Variants in LATS2 observed in about 807,000 individuals in gnomAD.
LATS2 encodes serine/threonine-protein kinase LATS2.
A neutral mutation model predicts 76.0 loss-of-function variants in LATS2; 24 were observed. That is an observed-to-expected ratio of 0.32 (90% CI 0.23 to 0.44). The LOEUF is 0.44. Among genes scored for constraint, LATS2 ranks in the 20% least tolerant of loss-of-function variants. The pLI is 1.00. For missense variants in LATS2, 1,286 were observed against 1,481.2 expected (o/e 0.87, Z 2.16); for synonymous variants, 692 against 635.4 (o/e 1.09, Z -1.34).
intron 2 of LATS2, among the ~76,000 whole-genome samples, chr13:21,018,332 G>GT (rs1227194080): frequency 6.6e-6 from 1 of 152,230 alleles, no homozygotes; most frequent in Admixed American, 6.5e-5. Flanking sequence ...GTTGGGCGAG[G>GT]TATGTGGCAA....
At chr13:20,992,230 A>G (rs191427459) in intron 2 of LATS2, among the ~76,000 whole-genome samples, 348 of 152,306 alleles carry the variant, frequency 2.3e-3, no homozygotes, top group African/African-American at 7.8e-3. Flanking sequence ...AGATGGGCCC[A>G]TGGCAGCAGC....
At chr13:20,979,168 A>G (rs1383588793) in intron 7 of LATS2, among the ~76,000 whole-genome samples, 4 of 152,232 alleles carry the variant, frequency 2.6e-5, no homozygotes, top group Admixed American at 2.6e-4. Context: ...TCTAATACAT[A>G]TAAAATACAA....
At chr13:21,004,475 A>C (rs557008254) in intron 2 of LATS2, among the ~76,000 whole-genome samples, 2 of 151,738 alleles carry the variant, frequency 1.3e-5, no homozygotes. Flanking sequence ...AGGGAGAATC[A>C]AATTTTAACA....
At chr13:20,995,867 TA>T (rs1870729278) in intron 2 of LATS2, among the ~76,000 whole-genome samples, 1 of 152,200 alleles carries the variant, frequency 6.6e-6, no homozygotes, top group Non-Finnish European at 1.5e-5. Flanking sequence ...ATTTACCAAT[TA>T]CTAATTATTT....
rs78756629 is a variant in LATS2 at position 20,995,394 on chromosome 13, C to T, written c.343-3990G>A. Among the ~76,000 whole-genome samples, 809 of 152,302 alleles carry T rather than the reference C, an allele frequency of 5.3e-3. 7 individuals carry two copies. The highest frequency in any genetic ancestry group is 0.018 in the African/African-American group (768 of 41,548). ...CAGGCTGCTGTGTAAACATTATCCA[C>T]GTCTATGCATGCCAAGATGTGGAAA... On this transcript the variant is annotated intron_variant, in intron 2 of 7. Coordinates refer to ENST00000382592, the MANE Select transcript of LATS2 (RefSeq NM_014572.3).
chr13:21,019,897 C>T (rs753391804), intron 2 of LATS2, among the ~76,000 whole-genome samples: 3 of 150,912 alleles, frequency 2.0e-5, no homozygotes, highest in Non-Finnish European at 1.5e-5. Flanking sequence ...TTGCTTGAAC[C>T]CAGGAGGTGG....
intron 1 of LATS2, among the ~76,000 whole-genome samples, chr13:21,050,724 C>T (rs1049773907): frequency 3.9e-5 from 6 of 152,208 alleles, no homozygotes; most frequent in African/African-American, 4.8e-5. Context: ...CGTGGGTGCT[C>T]GGCTCAAGGC....
chr13:21,007,720 ATAG>A (rs1859938179), intron 2 of LATS2, among the ~76,000 whole-genome samples: 1 of 10,368 alleles, frequency 9.6e-5, no homozygotes, highest in Non-Finnish European at 1.5e-4. Context: ...ATATATATAT[ATAG>A]TATATATATA....
intron 2 of LATS2, among the ~76,000 whole-genome samples, chr13:21,033,197 G>A (rs959951489): frequency 5.3e-5 from 8 of 151,958 alleles, no homozygotes; most frequent in Admixed American, 5.2e-4. Context: ...TAGAGCCAAA[G>A]ACAATGTAAG....
At chr13:21,049,374 C>T (rs1466476929) in intron 1 of LATS2, among the ~76,000 whole-genome samples, 1 of 151,876 alleles carries the variant, frequency 6.6e-6, no homozygotes, top group Non-Finnish European at 1.5e-5. Flanking sequence ...CCCCGGGGAG[C>T]AAGGGGAAGG....
intron 2 of LATS2, among the ~76,000 whole-genome samples, chr13:21,010,591 A>C (rs1305900574): frequency 6.6e-6 from 1 of 152,210 alleles, no homozygotes. Context: ...TTACATCAGT[A>C]AAAAAAGCAC....
At chr13:21,024,191 T>G (rs1319151577) in intron 2 of LATS2, among the ~76,000 whole-genome samples, 2 of 151,234 alleles carry the variant, frequency 1.3e-5, no homozygotes, top group African/African-American at 2.4e-5. Flanking sequence ...CCAGACACTT[T>G]GGGAGGCTGA....
chr13:20,995,972 T>C (rs1254440172), intron 2 of LATS2, among the ~76,000 whole-genome samples: 1 of 152,146 alleles, frequency 6.6e-6, no homozygotes, highest in African/African-American at 2.4e-5. Context: ...ACTAAATTTT[T>C]CTCCTAAAAC....
At chr13:21,016,972 C>T (rs989653928) in intron 2 of LATS2, among the ~76,000 whole-genome samples, 1 of 152,176 alleles carries the variant, frequency 6.6e-6, no homozygotes, top group Admixed American at 6.5e-5. Context: ...AGAGGGATTA[C>T]AGCATCAAAT....
At chr13:21,049,664 T>C (rs1873193339) in intron 1 of LATS2, among the ~76,000 whole-genome samples, 1 of 152,162 alleles carries the variant, frequency 6.6e-6, no homozygotes, top group South Asian at 2.1e-4. Flanking sequence ...CAAGAGACAC[T>C]GCAGACTGAA....
At chr13:21,056,813 A>C (rs945099637) in intron 1 of LATS2, among the ~76,000 whole-genome samples, 7 of 152,242 alleles carry the variant, frequency 4.6e-5, no homozygotes, top group African/African-American at 1.7e-4. Flanking sequence ...TGGAGAAGGT[A>C]TCTTAGAGAA....
chr13:21,030,567 C>T (rs1206770909), intron 2 of LATS2, among the ~76,000 whole-genome samples: 17 of 118,390 alleles, frequency 1.4e-4, no homozygotes, highest in African/African-American at 4.0e-4. Context: ...CCAGCCTGGG[C>T]GACAAGAGTG....
intron 2 of LATS2, among the ~76,000 whole-genome samples, chr13:21,034,418 C>T (rs1306914000): frequency 2.0e-5 from 3 of 152,062 alleles, no homozygotes; most frequent in East Asian, 1.9e-4. Flanking sequence ...GGGTCCTGAC[C>T]GGGGAGGTGT....
At chr13:21,008,556 T>C (rs185015936) in intron 2 of LATS2, among the ~76,000 whole-genome samples, 3 of 152,226 alleles carry the variant, frequency 2.0e-5, no homozygotes, top group Admixed American at 6.5e-5. Flanking sequence ...ATAAAGGCAG[T>C]GGTAAAGTCT....
Sources: gnomAD v4.1 joint callset for allele counts (sites outside exome capture counted in the v4.1 genomes callset) on GRCh38, gnomAD v4.1.1 for gene constraint, MANE v1.5 for transcripts, NCBI Gene and HGNC (gene_info 2026-07-23, HGNC 2026-07-21) for gene names.